EIF3D: variants seen among roughly 807,000 people sequenced by gnomAD.
The protein encoded by EIF3D is eIF3 p66.
A neutral mutation model predicts 75.4 loss-of-function variants in EIF3D; 10 were observed. The observed-to-expected ratio is 0.13, with a 90% confidence interval of 0.08 to 0.22. The LOEUF (loss-of-function observed/expected upper bound fraction) is 0.22. Among genes scored for constraint, EIF3D ranks in the 10% least tolerant of loss-of-function variants. The pLI, the probability that EIF3D is intolerant of heterozygous loss-of-function variation, is 1.00. For synonymous variants in EIF3D, 246 were observed against 248.3 expected (o/e 0.99, Z 0.09); for missense variants, 394 against 708.0 (o/e 0.56, Z 5.03).
chr22:36,513,511 C>T (rs1293913172), intron 12 of EIF3D, among the ~76,000 whole-genome samples: 1 of 152,122 alleles, frequency 6.6e-6, no homozygotes, highest in Non-Finnish European at 1.5e-5. Context: ...TCATGTTGGC[C>T]AGGCTGGTCT....
intron 12 of EIF3D, among the ~76,000 whole-genome samples, chr22:36,514,086 A>G (rs1451533907): frequency 6.6e-6 from 1 of 151,416 alleles, no homozygotes; most frequent in Non-Finnish European, 1.5e-5. Context: ...TGCTAACAGC[A>G]AAACAGAATA....
chr22:36,516,455 G>A (rs1934428209), intron 12 of EIF3D, 23 bp downstream of exon 12: 1 of 1,611,020 alleles, frequency 6.2e-7, no homozygotes, highest in Admixed American at 1.7e-5. Flanking sequence ...GTCACCAGGA[G>A]GGTGATGGAG....
In EIF3D at chr22:36,516,961, T is replaced by C. The variant is rs1311407401; in HGVS notation, c.991-171A>G. 4.6e-6 allele frequency: 3 copies of C among 647,218 alleles called. No individual in the cohort carries two copies. In the African/African-American group the frequency reaches 5.5e-5, roughly 12 times the overall value. 40.1% of individuals were successfully genotyped at this position (647,218 alleles called of 1,614,324 possible). On this transcript the variant is annotated intron_variant, in intron 10 of 14. Coordinates refer to ENST00000216190, the MANE Select transcript of EIF3D (RefSeq NM_003753.4). ...GTGCCTACTTGACCCCTCCCAACTG[T>C]TAGCACCTGATGAATTAGAACAATG...
chr22:36,523,827 G>T, intron 5 of EIF3D, 68 bp downstream of exon 5: 2 of 1,408,014 alleles, frequency 1.4e-6, no homozygotes, highest in Non-Finnish European at 2.0e-6. Flanking sequence ...CTCCTGCTTT[G>T]GTCCTGTGGT....
intron 7 of EIF3D, 38 bp downstream of exon 7, chr22:36,520,538 T>C (rs753487950): frequency 1.2e-5 from 18 of 1,457,074 alleles, no homozygotes; most frequent in Non-Finnish European, 1.5e-5. Flanking sequence ...TCCACACACA[T>C]AAGAGCAGTG....
Position 36,526,101 on chromosome 22 carries a change from G to A in EIF3D, c.21C>T (p.Pro7=), listed in dbSNP as rs776873893. Residue 7 remains proline, a synonymous_variant, in exon 2 of 15, where the codon CCC becomes CCT. Coordinates refer to ENST00000216190, the MANE Select transcript of EIF3D (RefSeq NM_003753.4). ...AGCCTGAGGGGTTGTCCTGGATCAC[G>A]GGTGTCATGAACTTTGCCATCTTCC... MAKFMT[P]VIQDNPSGWG... is the part of the protein sequence containing the mutation. 1.2e-5 allele frequency: 20 copies of A among 1,609,536 alleles called. No individual in the cohort carries two copies. Among genetic ancestry groups the A allele is most frequent in the East Asian group, 4.5e-5 (2 of 44,676 alleles).
chr22:36,523,994 A>G lies in EIF3D; in HGVS notation c.307-14T>C. On this transcript the variant is annotated splice_polypyrimidine_tract_variant and intron_variant, in intron 4 of 14. Transcript: ENST00000216190. ...GCGGAGGTTCCTCTGGGCATCAGCA[A>G]GAAACATCCATGTTAAAATCTTGGA... 1 of 1,613,886 alleles carries G rather than the reference A, an allele frequency of 6.2e-7. No individual in the cohort carries two copies. The highest frequency in any genetic ancestry group is 8.5e-7 in the Non-Finnish European group (1 of 1,179,784).
chr22:36,521,103 G>A (rs935362533), intron 6 of EIF3D, among the ~76,000 whole-genome samples: 1 of 152,230 alleles, frequency 6.6e-6, no homozygotes, highest in African/African-American at 2.4e-5. Context: ...GGGAGGCTGA[G>A]GCAGGAGAAC....
At chr22:36,511,357 T>G in intron 14 of EIF3D, 146 bp downstream of exon 14, 1 of 1,479,408 alleles carries the variant, frequency 6.8e-7, no homozygotes, top group Non-Finnish European at 9.0e-7. Context: ...AAGAAGCTCT[T>G]GGAGCCAAAG....
chr22:36,523,091 A>G (rs750893245), intron 6 of EIF3D, 118 bp downstream of exon 6: 1 of 865,678 alleles, frequency 1.2e-6, no homozygotes, highest in Non-Finnish European at 2.0e-6. Context: ...CTCTTCAAAT[A>G]TATTAAAAAC....
At chr22:36,525,600 C>T in intron 3 of EIF3D, 64 bp downstream of exon 3, 1 of 1,545,430 alleles carries the variant, frequency 6.5e-7, no homozygotes, top group Middle Eastern at 1.7e-4. Flanking sequence ...AGAAGAAGGT[C>T]ATTAGAATAA....
At chr22:36,516,006 A>G (rs1008388494) in intron 12 of EIF3D, 1 of 153,844 alleles carries the variant, frequency 6.5e-6, no homozygotes, top group African/African-American at 2.4e-5. Flanking sequence ...CTTAGAATCC[A>G]TGAGTTAAAG....
chr22:36,517,205 A>G, intron 10 of EIF3D, 96 bp downstream of exon 10: 1 of 1,555,510 alleles, frequency 6.4e-7, no homozygotes, highest in Non-Finnish European at 8.8e-7. Flanking sequence ...TGACCTGCTC[A>G]GTCCCACAAC....
At chr22:36,525,785 G>T in intron 2 of EIF3D, 76 bp from the exon 3 acceptor site, 1 of 1,565,004 alleles carries the variant, frequency 6.4e-7, no homozygotes, top group Non-Finnish European at 8.7e-7. Context: ...ATCCCTGAGC[G>T]CGAGAGGACA....
rs1407993325 is a variant in EIF3D, at chr22:36,523,278, T to C, written c.396A>G (p.Glu132=). 11 of 1,612,988 alleles carry C rather than the reference T, an allele frequency of 6.8e-6. No individual in the cohort carries two copies. Among genetic ancestry groups the C allele is most frequent in the Non-Finnish European group, 9.3e-6 (11 of 1,179,330 alleles). ...GGAACTTTTTCTGCAGTCGAATGCG[T>C]TCTCTGGAAAGACAGACATATGATC... ...LPKSAKQKER[E]RIRLQKKFQK... Residue 132 remains glutamate, a synonymous_variant, in exon 6 of 15, where the codon GAA becomes GAG. Transcript: ENST00000216190.
intron 5 of EIF3D, 70 bp downstream of exon 5, chr22:36,523,825 T>C (rs190594904): frequency 6.4e-5 from 90 of 1,409,096 alleles, no homozygotes; most frequent in Admixed American, 1.8e-4. Context: ...TCCTCCTGCT[T>C]TGGTCCTGTG....
intron 1 of EIF3D, among the ~76,000 whole-genome samples, chr22:36,527,761 C>T (rs1934629069): frequency 6.6e-6 from 1 of 152,156 alleles, no homozygotes; most frequent in Non-Finnish European, 1.5e-5. Context: ...GAGCCAAGAT[C>T]CTGCCATTAC....
At chr22:36,527,436 T>C (rs935607328) in intron 1 of EIF3D, among the ~76,000 whole-genome samples, 1 of 152,256 alleles carries the variant, frequency 6.6e-6, no homozygotes, top group African/African-American at 2.4e-5. Flanking sequence ...CGGCGCTGTA[T>C]AGCAGATGGC....
In EIF3D at chr22:36,529,066, C is replaced by T. The variant is rs1934657482; in HGVS notation, c.-11+10G>A. ...GAGGGCCGCAGGAACCTATGAAACA[C>T]GCCGCTCACCTGCAATGGCCTCGGC... On this transcript the variant is annotated intron_variant, in intron 1 of 14. Coordinates refer to ENST00000216190, the MANE Select transcript of EIF3D (RefSeq NM_003753.4). 7.7e-6 allele frequency: 3 copies of T among 388,058 alleles called. No homozygotes were observed. The highest frequency in any genetic ancestry group is 1.4e-4 in the South Asian group (1 of 6,910). 24.0% of individuals were successfully genotyped at this position (388,058 alleles called of 1,614,324 possible). A position where few individuals can be genotyped will look rare whatever the true frequency, so the allele number is the denominator to read the frequency against.
Sources: allele counts gnomAD v4.1 joint callset (sites outside exome capture counted in the v4.1 genomes callset), GRCh38; gene constraint gnomAD v4.1.1; transcripts MANE v1.5; gene names NCBI Gene and HGNC (gene_info 2026-07-23, HGNC 2026-07-21).